The following SLC25A21 variants were observed in gnomAD, a reference collection of about 807,000 sequenced individuals.
SLC25A21 encodes mitochondrial 2-oxodicarboxylate carrier.
SLC25A21 carries 47 observed loss-of-function variants against 43.8 expected under a neutral mutation model. That is an observed-to-expected ratio of 1.07 (90% CI 0.85 to 1.37). The LOEUF is 1.37. Ranked by LOEUF, SLC25A21 falls within the 40% of genes most tolerant of loss-of-function variation. The pLI, the probability that SLC25A21 is intolerant of heterozygous loss-of-function variation, is 0.00. For missense variants in SLC25A21, 352 were observed against 350.2 expected, an observed-to-expected ratio of 1.00 and a Z score of -0.04; for synonymous variants, 131 against 121.3, an observed-to-expected ratio of 1.08 and a Z score of -0.52.
At chr14:37,147,893 G>A (rs1963695805) in intron 1 of SLC25A21, among the ~76,000 whole-genome samples, 1 of 135,062 alleles carries the variant, frequency 7.4e-6, no homozygotes, top group South Asian at 2.4e-4. Context: ...CCAGGCTGGA[G>A]TGCAGTGATG....
At chr14:36,799,673 C>T (rs1486823483) in intron 3 of SLC25A21, among the ~76,000 whole-genome samples, 6 of 151,960 alleles carry the variant, frequency 3.9e-5, no homozygotes, top group Non-Finnish European at 7.4e-5. Context: ...TATCTGGACC[C>T]ATGTTACCTG....
At chr14:36,797,627 T>A (rs1196715028) in intron 3 of SLC25A21, among the ~76,000 whole-genome samples, 1 of 152,226 alleles carries the variant, frequency 6.6e-6, no homozygotes, top group Admixed American at 6.5e-5. Context: ...CAGTAGCATC[T>A]TCCTTTTCAA....
chr14:36,944,212 C>A (rs1003490929), intron 1 of SLC25A21, among the ~76,000 whole-genome samples: 6 of 152,130 alleles, frequency 3.9e-5, no homozygotes, highest in African/African-American at 1.2e-4. Context: ...ACCTGGGACC[C>A]TAGCCCAGCA....
intron 6 of SLC25A21, among the ~76,000 whole-genome samples, chr14:36,712,464 A>G (rs1368836258): frequency 6.6e-6 from 1 of 152,034 alleles, no homozygotes; most frequent in African/African-American, 2.4e-5. Context: ...GACTAAAAGT[A>G]TTTTCTTATC....
intron 1 of SLC25A21, among the ~76,000 whole-genome samples, chr14:37,063,955 G>C (rs573401727): frequency 2.0e-5 from 3 of 152,172 alleles, no homozygotes; most frequent in Non-Finnish European, 4.4e-5. Flanking sequence ...AATTTTAGGT[G>C]TAAATTTGAC....
intron 5 of SLC25A21, among the ~76,000 whole-genome samples, chr14:36,727,058 A>C (rs1884629405): frequency 6.6e-6 from 1 of 152,170 alleles, no homozygotes; most frequent in South Asian, 2.1e-4. Flanking sequence ...TAGAACTGTA[A>C]CACACAGTAG....
intron 1 of SLC25A21, among the ~76,000 whole-genome samples, chr14:37,004,142 C>A (rs1042666674): frequency 6.6e-6 from 1 of 152,112 alleles, no homozygotes; most frequent in Non-Finnish European, 1.5e-5. Context: ...CACATGTTCT[C>A]TGTGGCGTTA....
intron 3 of SLC25A21, among the ~76,000 whole-genome samples, chr14:36,810,922 AGTGGG>A (rs1566636548): frequency 2.6e-5 from 4 of 152,028 alleles, no homozygotes; most frequent in East Asian, 3.9e-4. Flanking sequence ...TAGAGAAAAG[AGTGGG>A]GGAAATAATT....
intron 3 of SLC25A21, among the ~76,000 whole-genome samples, chr14:36,742,931 A>G (rs958158638): frequency 2.6e-4 from 40 of 152,186 alleles, no homozygotes; most frequent in African/African-American, 8.9e-4. Flanking sequence ...CACTTTTCAA[A>G]CTGTATGTTT....
chr14:37,121,081 AGG>A (rs778304765), intron 1 of SLC25A21, among the ~76,000 whole-genome samples: 5 of 152,210 alleles, frequency 3.3e-5, no homozygotes, highest in Non-Finnish European at 7.3e-5. Context: ...AATGTCCCAA[AGG>A]GCAAACTGAA....
chr14:36,747,737 A>G (rs955801901), intron 3 of SLC25A21, among the ~76,000 whole-genome samples: 2 of 152,200 alleles, frequency 1.3e-5, no homozygotes, highest in Admixed American at 1.3e-4. Context: ...TTATTATAGT[A>G]CATTCCAAAA....
At chr14:36,767,549 A>G (rs1886460565) in intron 3 of SLC25A21, among the ~76,000 whole-genome samples, 1 of 152,248 alleles carries the variant, frequency 6.6e-6, no homozygotes, top group Non-Finnish European at 1.5e-5. Flanking sequence ...GTAGAAAGCA[A>G]GAATCTGAAA....
At chr14:36,861,650 T>C (rs1462507850) in intron 2 of SLC25A21, among the ~76,000 whole-genome samples, 1 of 152,248 alleles carries the variant, frequency 6.6e-6, no homozygotes, top group Non-Finnish European at 1.5e-5. Context: ...AAGATAATTT[T>C]ACTTTCACTG....
intron 7 of SLC25A21, among the ~76,000 whole-genome samples, chr14:36,699,073 C>T (rs980043071): frequency 2.7e-5 from 4 of 149,384 alleles, no homozygotes; most frequent in Non-Finnish European, 4.4e-5. Flanking sequence ...TGCTTTTGGT[C>T]TTTGATGTTG....
chr14:37,109,661 C>T (rs1962982995), intron 1 of SLC25A21, among the ~76,000 whole-genome samples: 1 of 152,180 alleles, frequency 6.6e-6, no homozygotes, highest in Admixed American at 6.5e-5. Context: ...AGCTCTACTT[C>T]TAATTAACTG....
intron 2 of SLC25A21, among the ~76,000 whole-genome samples, chr14:36,821,106 T>C (rs1888610671): frequency 6.6e-6 from 1 of 152,174 alleles, no homozygotes; most frequent in South Asian, 2.1e-4. Context: ...TGCAAAGACA[T>C]GTCTGAGGTT....
intron 1 of SLC25A21, among the ~76,000 whole-genome samples, chr14:37,122,749 C>G (rs1963231440): frequency 6.6e-6 from 1 of 152,172 alleles, no homozygotes; most frequent in Admixed American, 6.5e-5. Flanking sequence ...CTGTATCCTC[C>G]TTCCCTCTTC....
At chr14:36,909,430 A>T (rs1305500661) in intron 1 of SLC25A21, among the ~76,000 whole-genome samples, 2 of 152,162 alleles carry the variant, frequency 1.3e-5, no homozygotes, top group Non-Finnish European at 2.9e-5. Flanking sequence ...GTTCAGGACA[A>T]ATAGTAAAGC....
chr14:36,726,812 T>C (rs902816931), intron 5 of SLC25A21, among the ~76,000 whole-genome samples: 1 of 152,180 alleles, frequency 6.6e-6, no homozygotes, highest in Non-Finnish European at 1.5e-5. Flanking sequence ...GGCAGTACTA[T>C]AGACAACCAA....
Sources: gnomAD v4.1 joint callset for allele counts (sites outside exome capture counted in the v4.1 genomes callset) on GRCh38, gnomAD v4.1.1 for gene constraint, MANE v1.5 for transcripts, NCBI Gene and HGNC (gene_info 2026-07-23, HGNC 2026-07-21) for gene names.